PHF20: variants seen among roughly 807,000 people sequenced by gnomAD.
The protein encoded by PHF20 is PHD finger protein 20, also known as glioma-expressed antigen 2.
A neutral mutation model predicts 113.5 loss-of-function variants in PHF20; 23 were observed. The ratio of observed to expected loss-of-function variants is 0.20; its 90% CI spans 0.15 to 0.29. The LOEUF (loss-of-function observed/expected upper bound fraction) is 0.29, where lower values mean the gene tolerates loss of function less well. Ranked by LOEUF, PHF20 falls within the 10% of genes least tolerant of loss-of-function variation. PHF20 has a pLI of 1.00. For synonymous variants in PHF20, 434 were observed against 457.3 expected (o/e 0.95, Z 0.65); for missense variants, 943 against 1,219.6 (o/e 0.77, Z 3.38).
intron 9 of PHF20, among the ~76,000 whole-genome samples, chr20:35,897,559 C>CTTTTTTTT (rs150122625): frequency 1.7e-4 from 18 of 107,674 alleles, no homozygotes; most frequent in South Asian, 3.5e-4. Context: ...TTCTGGATCC[C>CTTTTTTTT]TTTTTTTTTT....
chr20:35,810,037 C>T (rs1167916825), intron 2 of PHF20, among the ~76,000 whole-genome samples: 1 of 152,116 alleles, frequency 6.6e-6, no homozygotes, highest in African/African-American at 2.4e-5. Context: ...TCAAGCGATT[C>T]TTCTGCTTCA....
chr20:35,835,855 G>A (rs1297992955), intron 2 of PHF20, among the ~76,000 whole-genome samples: 11 of 151,994 alleles, frequency 7.2e-5, no homozygotes, highest in African/African-American at 2.7e-4. Context: ...ACTTGAACCC[G>A]GGAGGCAGAG....
intron 5 of PHF20, among the ~76,000 whole-genome samples, chr20:35,861,692 C>T (rs552715047): frequency 1.2e-4 from 19 of 152,228 alleles, no homozygotes; most frequent in South Asian, 6.2e-4. Context: ...GCCATCTCCT[C>T]CCTGAACTCC....
chr20:35,906,461 A>G (rs112588189), intron 10 of PHF20, among the ~76,000 whole-genome samples: 30 of 141,168 alleles, frequency 2.1e-4, no homozygotes, highest in Admixed American at 3.5e-4. Context: ...ACCAGGCTCT[A>G]AAGGTCCCTG....
Position 35,947,510 on chromosome 20 carries a change from T to C in PHF20, c.2922T>C (p.Thr974=), listed in dbSNP as rs1379033613. 1 of 1,614,062 alleles carries C rather than the reference T, an allele frequency of 6.2e-7. No individual in the cohort carries two copies. Among genetic ancestry groups the C allele is most frequent in the Non-Finnish European group, 8.5e-7 (1 of 1,179,984 alleles). The change falls in exon 18 of 18, where the codon ACT becomes ACC. Residue 974 remains threonine (T), a synonymous_variant. Coordinates refer to ENST00000374012, the MANE Select transcript of PHF20 (RefSeq NM_016436.5). The part of the protein sequence containing the change: ...LDVLESWLDY[T]GELEPPEPLA... ...TGTTGGAGAGCTGGCTGGACTACAC[T>C]GGGGAACTGGAGCCCCCTGAGCCGC...
At chr20:35,893,921 G>A (rs1174461361) in intron 9 of PHF20, among the ~76,000 whole-genome samples, 2 of 152,192 alleles carry the variant, frequency 1.3e-5, no homozygotes, top group Non-Finnish European at 2.9e-5. Flanking sequence ...CCGCCAACAT[G>A]TACTGTTATT....
At chr20:35,946,484 G>A (rs1256741556) in intron 17 of PHF20, among the ~76,000 whole-genome samples, 1 of 151,876 alleles carries the variant, frequency 6.6e-6, no homozygotes, top group East Asian at 1.9e-4. Flanking sequence ...TAATAACAGA[G>A]TATTCTGTGC....
chr20:35,784,480 A>C (rs1600724945), intron 1 of PHF20, among the ~76,000 whole-genome samples: 1 of 118,922 alleles, frequency 8.4e-6, no homozygotes. Context: ...TGTGTCTCCC[A>C]GGCTGGAGTG....
intron 9 of PHF20, among the ~76,000 whole-genome samples, chr20:35,878,046 T>C (rs1011205053): frequency 1.3e-5 from 2 of 152,234 alleles, no homozygotes; most frequent in African/African-American, 4.8e-5. Flanking sequence ...GTAATGCCTA[T>C]AGTATTTTAG....
chr20:35,838,699 C>T (rs748666245), intron 2 of PHF20, among the ~76,000 whole-genome samples: 10 of 151,976 alleles, frequency 6.6e-5, no homozygotes, highest in Middle Eastern at 3.4e-3. Flanking sequence ...AGAAAGAATG[C>T]GATTTCAAGC....
intron 17 of PHF20, 142 bp from the exon 18 acceptor site, chr20:35,947,343 C>T: frequency 1.4e-6 from 1 of 726,290 alleles, no homozygotes; most frequent in Non-Finnish European, 2.2e-6. Flanking sequence ...ATGGCCCTTC[C>T]TCCCTTGCCC....
At chr20:35,893,946 A>G (rs1473471124) in intron 9 of PHF20, among the ~76,000 whole-genome samples, 1 of 152,258 alleles carries the variant, frequency 6.6e-6, no homozygotes, top group Non-Finnish European at 1.5e-5. Context: ...TTTTAAAAAG[A>G]TAAAACAATG....
At chr20:35,822,375 G>T (rs1325352417) in intron 2 of PHF20, among the ~76,000 whole-genome samples, 1 of 151,472 alleles carries the variant, frequency 6.6e-6, no homozygotes, top group Admixed American at 6.6e-5. Flanking sequence ...CTATGATTGT[G>T]CTGCTATACT....
chr20:35,845,254 TATTA>T (rs1339951231), intron 3 of PHF20: 2 of 152,032 alleles, frequency 1.3e-5, no homozygotes, highest in Non-Finnish European at 2.9e-5. Flanking sequence ...TAATTTTATT[TATTA>T]ATTTTTTTAT....
intron 15 of PHF20, among the ~76,000 whole-genome samples, chr20:35,932,962 C>T (rs893746416): frequency 2.6e-5 from 4 of 152,150 alleles, no homozygotes; most frequent in Non-Finnish European, 5.9e-5. Flanking sequence ...CTTTTTGTGA[C>T]TGGCTTATTT....
intron 6 of PHF20, among the ~76,000 whole-genome samples, chr20:35,868,834 T>C (rs1391378027): frequency 6.6e-6 from 1 of 152,098 alleles, no homozygotes; most frequent in Non-Finnish European, 1.5e-5. Context: ...CTCATGCTTG[T>C]AATCCCAGAA....
At chr20:35,943,114 T>C (rs566858180) in intron 17 of PHF20, among the ~76,000 whole-genome samples, 14 of 152,264 alleles carry the variant, frequency 9.2e-5, no homozygotes, top group South Asian at 8.3e-4. Context: ...TGAGCCACCG[T>C]ACCCAGCCCT....
At chr20:35,924,192 CTTT>C (rs767943006) in intron 13 of PHF20, among the ~76,000 whole-genome samples, 5 of 129,884 alleles carry the variant, frequency 3.8e-5, no homozygotes, top group Admixed American at 7.7e-5. Context: ...CTTTTCTTTT[CTTT>C]TTTTTTTTTT....
At chr20:35,868,948 G>T (rs75257580) in intron 6 of PHF20, among the ~76,000 whole-genome samples, 2 of 151,986 alleles carry the variant, frequency 1.3e-5, no homozygotes, top group Non-Finnish European at 2.9e-5. Context: ...AAAATTAGCC[G>T]GGTGTGGTGT....
Sources: gnomAD v4.1 joint callset for allele counts (sites outside exome capture counted in the v4.1 genomes callset) on GRCh38, gnomAD v4.1.1 for gene constraint, MANE v1.5 for transcripts, NCBI Gene and HGNC (gene_info 2026-07-23, HGNC 2026-07-21) for gene names.